Variants in ADGB observed in about 807,000 individuals in gnomAD.
The protein encoded by ADGB is androglobin.
ADGB carries 172 observed loss-of-function variants against 210.5 expected under a neutral mutation model. The ratio of observed to expected loss-of-function variants is 0.82; its 90% CI spans 0.72 to 0.93. The LOEUF (loss-of-function observed/expected upper bound fraction) is 0.93, where lower values mean the gene tolerates loss of function less well. Ranked by LOEUF, ADGB falls within the 40% of genes least tolerant of loss-of-function variation. The pLI is 0.00. For synonymous variants in ADGB, 658 were observed against 662.7 expected, an observed-to-expected ratio of 0.99 and a Z score of 0.11; for missense variants, 2,025 against 1,964.8, an observed-to-expected ratio of 1.03 and a Z score of -0.58.
chr6:146,615,671 A>G (rs1780788860), intron 1 of ADGB, among the ~76,000 whole-genome samples: 1 of 152,158 alleles, frequency 6.6e-6, no homozygotes, highest in Non-Finnish European at 1.5e-5. Flanking sequence ...TCCCACCTAT[A>G]AGTGAGAACA....
At chr6:146,617,643 A>G (rs1780823516) in intron 1 of ADGB, among the ~76,000 whole-genome samples, 1 of 151,858 alleles carries the variant, frequency 6.6e-6, no homozygotes, top group South Asian at 2.1e-4. Context: ...TAGAGTTTTT[A>G]TCATGACGGG....
chr6:146,813,690 A>G (rs9403818), intron 35 of ADGB, among the ~76,000 whole-genome samples: 51,438 of 152,038 alleles, frequency 0.34, 9,230 homozygotes, highest in East Asian at 0.67. Context: ...AATTGTGTAA[A>G]TTCAATTTAC....
chr6:146,761,316 C>T (rs1777485909), intron 27 of ADGB, among the ~76,000 whole-genome samples: 1 of 151,854 alleles, frequency 6.6e-6, no homozygotes, highest in African/African-American at 2.4e-5. Flanking sequence ...TGTAGATATA[C>T]AGTTTTTCTG....
rs376926432 is a variant in ADGB at position 146,752,796 on chromosome 6, A to G, written c.3550+82A>G. The G allele has an allele frequency of 1.0e-5, 13 of 1,288,086 alleles. No individual in the cohort carries two copies. In the East Asian group the frequency reaches 3.1e-4, roughly 31 times the overall value. The allele number at this position is 1,288,086 out of a possible 1,614,324, so 79.8% of individuals were successfully genotyped here. ...CATGACACTTTAAAAATGAAAATAA[A>G]GTAGCAAGTAACCACTTAAATTATG... On this transcript the variant is annotated intron_variant, in intron 27 of 35. Coordinates refer to ENST00000397944, the MANE Select transcript of ADGB (RefSeq NM_024694.4).
intron 33 of ADGB, among the ~76,000 whole-genome samples, chr6:146,795,274 A>C (rs113604716): frequency 3.4e-4 from 52 of 152,304 alleles, no homozygotes; most frequent in African/African-American, 1.2e-3. Context: ...GACACCTAAA[A>C]GCAATTGCAA....
At chr6:146,613,922 A>G (rs971833834) in intron 1 of ADGB, among the ~76,000 whole-genome samples, 1 of 151,956 alleles carries the variant, frequency 6.6e-6, no homozygotes, top group Non-Finnish European at 1.5e-5. Context: ...GACTAATTTT[A>G]TTATGTATAA....
At chr6:146,604,984 G>A (rs1032638449) in intron 1 of ADGB, among the ~76,000 whole-genome samples, 4 of 152,104 alleles carry the variant, frequency 2.6e-5, no homozygotes, top group Admixed American at 2.6e-4. Flanking sequence ...AAAAGGCACA[G>A]GTTAGTGGGG....
intron 1 of ADGB, among the ~76,000 whole-genome samples, chr6:146,605,590 A>G (rs1198531331): frequency 6.6e-6 from 1 of 152,144 alleles, no homozygotes; most frequent in Non-Finnish European, 1.5e-5. Context: ...TCAGTGCAGG[A>G]GCTAAACCAT....
chr6:146,712,426 A>T (rs1776671824), intron 13 of ADGB, among the ~76,000 whole-genome samples: 1 of 152,098 alleles, frequency 6.6e-6, no homozygotes, highest in East Asian at 1.9e-4. Flanking sequence ...ACCTCAGGTG[A>T]TCCACCCACC....
chr6:146,794,014 A>C (rs1158234150), intron 33 of ADGB, among the ~76,000 whole-genome samples: 1 of 152,022 alleles, frequency 6.6e-6, no homozygotes, highest in Non-Finnish European at 1.5e-5. Flanking sequence ...AAGTAGATAA[A>C]CTGGCTATTC....
chr6:146,620,212 T>C (rs1214561842), intron 1 of ADGB, among the ~76,000 whole-genome samples: 1 of 152,152 alleles, frequency 6.6e-6, no homozygotes, highest in Admixed American at 6.5e-5. Context: ...TCTTTGTCTT[T>C]AATTTTTGGT....
chr6:146,770,728 G>A (rs1194637903), intron 29 of ADGB: 2 of 389,346 alleles, frequency 5.1e-6, no homozygotes, highest in African/African-American at 2.1e-5. Flanking sequence ...GACACAGGAA[G>A]AGAAAGTGGT....
intron 22 of ADGB, among the ~76,000 whole-genome samples, chr6:146,734,363 G>T (rs1777048224): frequency 6.6e-6 from 1 of 152,134 alleles, no homozygotes. Context: ...ATCCCAAGTA[G>T]CTAGCACCTG....
intron 13 of ADGB, among the ~76,000 whole-genome samples, chr6:146,703,377 G>C (rs1229375144): frequency 2.0e-5 from 3 of 151,346 alleles, no homozygotes; most frequent in Admixed American, 6.6e-5. Context: ...TTCATTTTTT[G>C]TTGTGAGAAC....
At chr6:146,734,821 G>T (rs1012338062) in intron 22 of ADGB, among the ~76,000 whole-genome samples, 1 of 152,016 alleles carries the variant, frequency 6.6e-6, no homozygotes, top group African/African-American at 2.4e-5. Context: ...GAGGTGGGAG[G>T]ATTACTTGAA....
At position 146,679,067 on chromosome 6, in the gene ADGB, A is replaced by T. The variant is rs142661769; in HGVS notation, c.1216+2626A>T. Among the ~76,000 whole-genome samples the T allele has an allele frequency of 1.6e-3, 244 of 152,310 alleles. 1 individual carries two copies. The highest frequency in any genetic ancestry group is 5.6e-3 in the African/African-American group (232 of 41,578). Reference sequence around the variant, plus strand: ...CAGGAGCAAGATGTCTGAAATCAAAACAAGCTGTATTGTATATCACTTCTG... The same window carrying T: ...CAGGAGCAAGATGTCTGAAATCAAATCAAGCTGTATTGTATATCACTTCTG... On this transcript the variant is annotated intron_variant, in intron 9 of 35. Coordinates refer to ENST00000397944, the MANE Select transcript of ADGB (RefSeq NM_024694.4).
At chr6:146,658,418 T>G (rs998391254) in intron 5 of ADGB, among the ~76,000 whole-genome samples, 2 of 151,600 alleles carry the variant, frequency 1.3e-5, no homozygotes, top group Non-Finnish European at 2.9e-5. Context: ...GTTGAGGGAG[T>G]ATAGAAAGAA....
At position 146,784,675 on chromosome 6, in the gene ADGB, T is replaced by C; in HGVS notation, c.4093T>C (p.Leu1365=). 2 of 1,551,254 alleles carry C rather than the reference T, an allele frequency of 1.3e-6. No individual in the cohort carries two copies. Among genetic ancestry groups the C allele is most frequent in the Non-Finnish European group, 1.7e-6 (2 of 1,146,698 alleles). The change falls in exon 31 of 36, where the codon TTG becomes CTG. Residue 1365 remains leucine (L), a synonymous_variant. Transcript: ENST00000397944. The part of the protein sequence containing the change: ...DPNKPYWILR[L]VTEHNESELF... ...AAATAAACCCTACTGGATTTTGAGG[T>C]TGGTCACTGAACACAATGAATCAGA...
At chr6:146,691,479 T>TATATATAA (rs1562275666) in intron 11 of ADGB, among the ~76,000 whole-genome samples, 189 bp downstream of exon 11, 10 of 13,512 alleles carry the variant, frequency 7.4e-4, no homozygotes, top group African/African-American at 4.6e-3. Context: ...TATATATAAA[T>TATATATAA]ATATATATAT....
Sources: allele counts gnomAD v4.1 joint callset (sites outside exome capture counted in the v4.1 genomes callset), GRCh38; gene constraint gnomAD v4.1.1; transcripts MANE v1.5; gene names NCBI Gene and HGNC (gene_info 2026-07-23, HGNC 2026-07-21).